Variants in CCDC14 observed in about 807,000 individuals in gnomAD.
CCDC14 encodes coiled-coil domain-containing protein 14.
Under a neutral mutation model 81.4 loss-of-function variants are expected in CCDC14, and 71 were observed. The observed-to-expected ratio is 0.87, with a 90% CI of 0.72 to 1.06. The LOEUF (loss-of-function observed/expected upper bound fraction) is 1.06. CCDC14 is among the 50% of genes least tolerant of loss of function. CCDC14 has a pLI of 0.00. For missense variants in CCDC14, 1,046 were observed against 1,047.3 expected, an observed-to-expected ratio of 1.00 and a Z score of 0.02; for synonymous variants, 332 against 364.8, an observed-to-expected ratio of 0.91 and a Z score of 1.03.
intron 9 of CCDC14, among the ~76,000 whole-genome samples, chr3:123,936,332 G>A (rs2036053240): frequency 6.6e-6 from 1 of 151,930 alleles, no homozygotes; most frequent in African/African-American, 2.4e-5. Context: ...AAAAGGAAAA[G>A]AACTGCTGCT....
chr3:123,934,973 C>T (rs1004002888), intron 9 of CCDC14, among the ~76,000 whole-genome samples: 16 of 152,016 alleles, frequency 1.1e-4, no homozygotes, highest in Non-Finnish European at 2.2e-4. Flanking sequence ...AGGAAAAGAA[C>T]GAAAGATTTA....
intron 10 of CCDC14, among the ~76,000 whole-genome samples, chr3:123,933,097 A>AAAACAAAC (rs761660866): frequency 1.1e-3 from 85 of 75,302 alleles, no homozygotes; most frequent in South Asian, 6.3e-3. Flanking sequence ...ACGCCGTCTC[A>AAAACAAAC]AAACAAACAA....
At chr3:123,885,793 C>G in the CCDC14 span, among the ~76,000 whole-genome samples, 497 of 152,200 alleles carry the variant, frequency 3.3e-3, 1 homozygote, top group African/African-American at 0.012. Context: ...TTCCTAGATT[C>G]ATTAATTAAT....
rs2148776322 is a variant in CCDC14 at position 123,914,410 on chromosome 3, A to C, written c.*369T>G. ...AAAAACCCTCTAGTTTCAACAGAAA[A>C]ACTTACATCCAGAGATTCTTTTCCC... On this transcript the variant is annotated 3_prime_UTR_variant, in exon 13 of 13. Transcript: ENST00000409697. 1.0e-6 allele frequency: 1 copy of C among 988,814 alleles called. No individual in the cohort carries two copies. The highest frequency in any genetic ancestry group is 1.7e-5 in the African/African-American group (1 of 57,520). The allele number at this position is 988,814 out of a possible 1,614,324, so 61.3% of individuals were successfully genotyped here.
At chr3:123,957,291 T>C (rs1239642857) in intron 1 of CCDC14, 2 of 152,058 alleles carry the variant, frequency 1.3e-5, no homozygotes, top group African/African-American at 4.8e-5. Flanking sequence ...CTATTTAAGG[T>C]GAAAAGGAAA....
chr3:123,956,803 A>C lies in CCDC14; in HGVS notation c.31-8T>G, dbSNP rs546180642. On this transcript the variant is annotated splice_region_variant and splice_polypyrimidine_tract_variant and intron_variant, in intron 1 of 12. Transcript: ENST00000409697. ...CCTTCCTGAAGATAACACCTATGAC[A>C]TAATATATTATAGCAGATAAACAAA... 5.1e-4 allele frequency: 755 copies of C among 1,492,644 alleles called. No homozygotes were observed. Among genetic ancestry groups the C allele is most frequent in the Admixed American group, 1.6e-3 (80 of 48,754 alleles). 92.5% of individuals were successfully genotyped at this position (1,492,644 alleles called of 1,614,324 possible). A position where few individuals can be genotyped will look rare whatever the true frequency, so the allele number is the denominator to read the frequency against.
chr3:123,902,692 G>A (rs1267307722), intron 5 of CCDC14, among the ~76,000 whole-genome samples: 3 of 152,120 alleles, frequency 2.0e-5, no homozygotes, highest in Admixed American at 6.5e-5. Context: ...CTAATCAATT[G>A]CAACTTGTGT....
Position 123,914,881 on chromosome 3 carries a change from G to T in CCDC14, c.2616C>A (p.Phe872Leu). 6.2e-7 allele frequency: 1 copy of T among 1,613,514 alleles called. No individual in the cohort carries two copies. The highest frequency in any genetic ancestry group is 1.1e-5 in the South Asian group (1 of 90,954). The change falls in exon 13 of 13, where the codon TTC becomes TTA. Residue 872 changes from phenylalanine to leucine, a missense_variant. Coordinates refer to ENST00000409697, the MANE Select transcript of CCDC14 (RefSeq NM_001366335.1). ...TGAAGTCTTGTTCATCACGAGAAGTGAACGTTGAAAACGAAGAGATGCTCC... is the reference window on the plus strand; with the variant it reads ...TGAAGTCTTGTTCATCACGAGAAGTTAACGTTGAAAACGAAGAGATGCTCC... ...SDWSISSFST[F>L]TSRDEQDFRN...
chr3:123,917,337 A>G (rs2034766920), intron 12 of CCDC14, among the ~76,000 whole-genome samples: 2 of 151,606 alleles, frequency 1.3e-5, no homozygotes, highest in African/African-American at 2.4e-5. Flanking sequence ...CTACTAAAAA[A>G]TACAAAAATT....
Position 123,943,089 on chromosome 3 carries a change from T to C in CCDC14, c.1343+1760A>G, listed in dbSNP as rs542153714. 2.0e-5 allele frequency among the ~76,000 whole-genome samples: 3 copies of C among 151,798 alleles called. No individual in the cohort carries two copies. In the South Asian group the frequency reaches 6.2e-4, roughly 31 times the overall value. On this transcript the variant is annotated intron_variant, in intron 9 of 12. Coordinates refer to ENST00000409697, the MANE Select transcript of CCDC14 (RefSeq NM_001366335.1). ...ATATTGTATATAAATGTGTGTGGTG[T>C]GTGTGTATGTTTATTACTGCATATA...
At chr3:123,943,142 A>G (rs960642402) in intron 9 of CCDC14, among the ~76,000 whole-genome samples, 2 of 151,912 alleles carry the variant, frequency 1.3e-5, no homozygotes, top group Non-Finnish European at 2.9e-5. Flanking sequence ...ATACGTATAT[A>G]TACACATACA....
intron 5 of CCDC14, among the ~76,000 whole-genome samples, chr3:123,905,204 T>C (rs983275131): frequency 6.6e-6 from 1 of 152,254 alleles, no homozygotes; most frequent in African/African-American, 2.4e-5. Context: ...ATAAAACTAC[T>C]GAGAAACCTT....
rs1559762678 is a variant in CCDC14, at chr3:123,915,533, A to C, written c.1964T>G (p.Phe655Cys). ...YLNKLETNYS[F>C]THSEPLSTIK... The stretch of plus-strand genomic sequence containing the variant: ...TGTAGAAAGTGGCTCTGAATGTGTA[A>C]AACTGTAATTTGTTTCTAACTTATT... The change falls in exon 13 of 13, where the codon TTT becomes TGT. Residue 655 changes from phenylalanine (F) to cysteine (C), a missense_variant. Transcript: ENST00000409697. 1 of 1,613,994 alleles carries C rather than the reference A, an allele frequency of 6.2e-7. No individual in the cohort carries two copies. Among genetic ancestry groups the C allele is most frequent in the African/African-American group, 1.3e-5 (1 of 75,048 alleles).
At chr3:123,930,895 T>C in intron 12 of CCDC14, 1 of 497,618 alleles carries the variant, frequency 2.0e-6, no homozygotes, top group Non-Finnish European at 3.4e-6. Flanking sequence ...CAGAATCACA[T>C]GGTTTTAAAA....
rs55769288 is a variant in CCDC14 at position 123,937,621 on chromosome 3, T to C, written c.1344-3866A>G. ...TTTCTCTCAGTCTGTTGGTTGCTTCTTCATTTTTAATAAGTGTTTTTTGAA... is the reference window on the plus strand; with the variant it reads ...TTTCTCTCAGTCTGTTGGTTGCTTCCTCATTTTTAATAAGTGTTTTTTGAA... On this transcript the variant is annotated intron_variant, in intron 9 of 12. Transcript: ENST00000409697. 8.4e-3 allele frequency among the ~76,000 whole-genome samples: 1,277 copies of C among 152,098 alleles called. 12 individuals are homozygous for C. The highest frequency in any genetic ancestry group is 0.027 in the African/African-American group (1,141 of 41,570).
intron 5 of CCDC14, among the ~76,000 whole-genome samples, chr3:123,949,967 CT>C (rs1230527845): frequency 6.6e-6 from 1 of 152,184 alleles, no homozygotes; most frequent in Non-Finnish European, 1.5e-5. Context: ...CAGGGCTGTA[CT>C]TCATTGTTTT....
Position 123,931,435 on chromosome 3 carries a change from C to T in CCDC14, c.1518G>A (p.Glu506=). 1 of 1,566,042 alleles carries T rather than the reference C, an allele frequency of 6.4e-7. No homozygotes were observed. Among genetic ancestry groups the T allele is most frequent in the Non-Finnish European group, 8.7e-7 (1 of 1,152,714 alleles). Reference sequence around the variant, plus strand: ...TCTGATTTTCAATCACTTTTAACAGCTCTTCATTTTTACTCTGCAGTAATT... The same window carrying T: ...TCTGATTTTCAATCACTTTTAACAGTTCTTCATTTTTACTCTGCAGTAATT... ...SQELLQSKNE[E]LLKVIENQKD... Residue 506 remains glutamate, a synonymous_variant, in exon 11 of 13, where the codon GAG becomes GAA. Transcript: ENST00000409697.
chr3:123,931,973 C>T (rs1160513861), intron 10 of CCDC14, among the ~76,000 whole-genome samples: 1 of 152,158 alleles, frequency 6.6e-6, no homozygotes, highest in Non-Finnish European at 1.5e-5. Context: ...ACATACTATA[C>T]ACAATTTCTA....
intron 12 of CCDC14, among the ~76,000 whole-genome samples, chr3:123,923,540 T>C (rs944815614): frequency 1.3e-5 from 2 of 151,958 alleles, no homozygotes; most frequent in Non-Finnish European, 2.9e-5. Flanking sequence ...ACCAAAAAAC[T>C]GTTTTGCTTA....
Sources: gnomAD v4.1 joint callset for allele counts (sites outside exome capture counted in the v4.1 genomes callset) on GRCh38, gnomAD v4.1.1 for gene constraint, MANE v1.5 for transcripts, NCBI Gene and HGNC (gene_info 2026-07-23, HGNC 2026-07-21) for gene names.